Variants in FAM91A1 observed in about 807,000 individuals in gnomAD.
The protein encoded by FAM91A1 is family with sequence similarity 91 member A1, also known as protein FAM91A1.
FAM91A1 carries 41 observed loss-of-function variants against 113.5 expected under a neutral mutation model. That is an observed-to-expected ratio of 0.36 (90% confidence interval 0.28 to 0.47). The LOEUF (loss-of-function observed/expected upper bound fraction) is 0.47, where lower values mean the gene tolerates loss of function less well. FAM91A1 is among the 20% of genes least tolerant of loss of function. The pLI is 1.00. For missense variants in FAM91A1, 696 were observed against 1,001.2 expected (o/e 0.70, Z 4.11); for synonymous variants, 307 against 347.9 (o/e 0.88, Z 1.31).
chr8:123,788,555 A>G (rs1188043800), intron 14 of FAM91A1, among the ~76,000 whole-genome samples: 1 of 151,694 alleles, frequency 6.6e-6, no homozygotes, highest in Non-Finnish European at 1.5e-5. Flanking sequence ...AATATGTGTG[A>G]GATAATCCTT....
At chr8:123,812,446 C>G (rs1478590437) in intron 23 of FAM91A1, 73 bp from the exon 24 acceptor site, 15 of 1,336,436 alleles carry the variant, frequency 1.1e-5, no homozygotes, top group Non-Finnish European at 1.5e-5. Context: ...CAAGGTCTCT[C>G]TTTCTCATTA....
At chr8:123,785,912 G>C in intron 11 of FAM91A1, 171 bp downstream of exon 11, 2 of 490,506 alleles carry the variant, frequency 4.1e-6, no homozygotes, top group Non-Finnish European at 7.4e-6. Flanking sequence ...CCACCTCCCC[G>C]TTTCAAGCGA....
Position 123,814,229 on chromosome 8 carries a change from C to T in FAM91A1, c.*1525C>T, listed in dbSNP as rs1038350634. 11 of 370,852 alleles carry T rather than the reference C, an allele frequency of 3.0e-5. No individual in the cohort carries two copies. The Admixed American group carries it at 3.5e-4, about 12-fold the overall frequency. The allele number at this position is 370,852 out of a possible 1,614,324, so 23.0% of individuals were successfully genotyped here. On this transcript the variant is annotated 3_prime_UTR_variant, in exon 24 of 24. Transcript: ENST00000334705. ...AAAAAATACTAATATTAAATAATTTCTTACGACTCTGAGTCACTCACTTAT... is the reference window on the plus strand; with the variant it reads ...AAAAAATACTAATATTAAATAATTTTTTACGACTCTGAGTCACTCACTTAT...
Position 123,787,710 on chromosome 8 carries a change from C to T in FAM91A1, c.1238C>T (p.Ser413Leu), listed in dbSNP as rs752543242. The change falls in exon 14 of 24, where the codon TCA becomes TTA. Residue 413 changes from serine (S) to leucine (L), a missense_variant. Transcript: ENST00000334705. ...AVTMFEVGKLSDESLDSFLIE... is the reference protein window; with the variant it reads ...AVTMFEVGKLLDESLDSFLIE... ...ACAATGTTTGAAGTAGGCAAACTCT[C>T]AGATGAGTCTCTGGACAGCTTTCTT... The T allele has an allele frequency of 3.7e-6, 6 of 1,612,974 alleles. No homozygotes were observed. Among genetic ancestry groups the T allele is most frequent in the Non-Finnish European group, 5.1e-6 (6 of 1,179,554 alleles).
intron 8 of FAM91A1, among the ~76,000 whole-genome samples, chr8:123,783,544 A>G (rs760314274): frequency 7.9e-5 from 12 of 152,206 alleles, no homozygotes; most frequent in Non-Finnish European, 1.6e-4. Flanking sequence ...AGTTTTGACC[A>G]TTTGAATTTT....
At chr8:123,781,474 ATTTTT>A (rs35842167) in intron 8 of FAM91A1, among the ~76,000 whole-genome samples, 1 of 121,276 alleles carries the variant, frequency 8.2e-6, no homozygotes, top group Admixed American at 8.5e-5. Flanking sequence ...GCATATGTGA[ATTTTT>A]TTTTTTTTTT....
intron 13 of FAM91A1, 130 bp downstream of exon 13, chr8:123,787,503 A>G (rs1202202926): frequency 1.0e-6 from 1 of 988,238 alleles, no homozygotes; most frequent in Non-Finnish European, 1.5e-6. Flanking sequence ...AGAGGAGTAT[A>G]ATAACTTTCA....
rs562259295 is a variant in FAM91A1 at position 123,772,474 on chromosome 8, G to A, written c.73-1606G>A. Among the ~76,000 whole-genome samples the A allele has an allele frequency of 3.3e-5, 5 of 151,832 alleles. No individual in the cohort carries two copies. The East Asian group carries it at 7.8e-4, about 24-fold the overall frequency. On this transcript the variant is annotated intron_variant, in intron 1 of 23. Transcript: ENST00000334705. Reference sequence around the variant, plus strand: ...TTGATGCTACGAAGAGGATGGTAGAGTAGTTTCTCTACAATGAGATCTACT... The same window carrying A: ...TTGATGCTACGAAGAGGATGGTAGAATAGTTTCTCTACAATGAGATCTACT...
intron 11 of FAM91A1, 21 bp downstream of exon 11, chr8:123,785,762 A>G (rs376396078): frequency 1.1e-5 from 16 of 1,406,092 alleles, no homozygotes; most frequent in Non-Finnish European, 1.4e-5. Context: ...TTTATTCAGT[A>G]TGAGCTATTA....
intron 18 of FAM91A1, among the ~76,000 whole-genome samples, chr8:123,804,090 T>G (rs1254339892): frequency 6.6e-6 from 1 of 152,214 alleles, no homozygotes; most frequent in Non-Finnish European, 1.5e-5. Context: ...TGAAACTGAA[T>G]TATCATTTGT....
chr8:123,778,742 G>C lies in FAM91A1; in HGVS notation c.519G>C (p.Gln173His), dbSNP rs776291204. Reference sequence around the variant, plus strand: ...CCATAGAGGCGTGGTGGGTGGTGCAGGCTGGCTATATCACAGAAGATGACA... The same window carrying C: ...CCATAGAGGCGTGGTGGGTGGTGCACGCTGGCTATATCACAGAAGATGACA... ...EIAIEAWWVVQAGYITEDDIK... is the reference protein window; with the variant it reads ...EIAIEAWWVVHAGYITEDDIK... The change falls in exon 6 of 24, where the codon CAG becomes CAC. Residue 173 changes from glutamine to histidine, a missense_variant. Coordinates refer to ENST00000334705, the MANE Select transcript of FAM91A1 (RefSeq NM_144963.4). The C allele has an allele frequency of 1.3e-6, 2 of 1,593,918 alleles. No homozygotes were observed. Among genetic ancestry groups the C allele is most frequent in the Middle Eastern group, 2.3e-4 (1 of 4,372 alleles).
intron 8 of FAM91A1, among the ~76,000 whole-genome samples, chr8:123,782,499 G>A (rs559535156): frequency 2.0e-5 from 3 of 152,168 alleles, no homozygotes; most frequent in African/African-American, 4.8e-5. Context: ...ATCATGAAAG[G>A]CTCTATTATT....
Position 123,786,577 on chromosome 8 carries a change from A to G in FAM91A1, c.1045A>G (p.Thr349Ala), listed in dbSNP as rs772238971. 14 of 1,614,046 alleles carry G rather than the reference A, an allele frequency of 8.7e-6. No homozygotes were observed. Among genetic ancestry groups the G allele is most frequent in the Non-Finnish European group, 1.1e-5 (13 of 1,180,004 alleles). Residue 349 changes from threonine to alanine, a missense_variant, in exon 12 of 24, where the codon ACT becomes GCT. Coordinates refer to ENST00000334705, the MANE Select transcript of FAM91A1 (RefSeq NM_144963.4). ...TCCTGTACAAGAAGCTTCATCGGCA[A>G]CTGACACTGATACAAATAGTCAAGA... ...RSPVQEASSATDTDTNSQEDP... is the reference protein window; with the variant it reads ...RSPVQEASSAADTDTNSQEDP...
At chr8:123,812,474 T>C in intron 23 of FAM91A1, 45 bp from the exon 24 acceptor site, 3 of 1,504,636 alleles carry the variant, frequency 2.0e-6, no homozygotes, top group Middle Eastern at 2.1e-4. Context: ...TAAGTGGTTT[T>C]GGTAAAGTGT....
intron 14 of FAM91A1, among the ~76,000 whole-genome samples, chr8:123,788,009 G>A (rs1205403912): frequency 2.0e-5 from 3 of 152,078 alleles, no homozygotes; most frequent in African/African-American, 7.2e-5. Context: ...GAAGAAATGG[G>A]GTATAGAAAT....
chr8:123,777,617 T>G (rs941126999), intron 4 of FAM91A1, among the ~76,000 whole-genome samples: 8 of 152,210 alleles, frequency 5.3e-5, no homozygotes, highest in African/African-American at 1.9e-4. Context: ...ATATTGAATG[T>G]GGGAGGAAAA....
chr8:123,805,989 G>T, intron 19 of FAM91A1, 91 bp from the exon 20 acceptor site: 1 of 1,250,440 alleles, frequency 8.0e-7, no homozygotes. Context: ...TATAAAAGTA[G>T]TTCTAAGAGT....
intron 23 of FAM91A1, 112 bp from the exon 24 acceptor site, chr8:123,812,407 T>TATTA: frequency 2.6e-6 from 2 of 779,466 alleles, no homozygotes; most frequent in South Asian, 2.7e-5. Flanking sequence ...CTGTACTGCT[T>TATTA]TGCAATCCAT....
chr8:123,791,005 TA>T (rs1815369746), intron 15 of FAM91A1, among the ~76,000 whole-genome samples: 1 of 152,222 alleles, frequency 6.6e-6, no homozygotes, highest in South Asian at 2.1e-4. Context: ...TCTTTGGATA[TA>T]AAACTCCTGG....
Sources: gnomAD v4.1 joint callset for allele counts (sites outside exome capture counted in the v4.1 genomes callset) on GRCh38, gnomAD v4.1.1 for gene constraint, MANE v1.5 for transcripts, NCBI Gene and HGNC (gene_info 2026-07-23, HGNC 2026-07-21) for gene names.